Variants in HSD11B1 observed in about 807,000 individuals in gnomAD.
HSD11B1 encodes 11-beta-hydroxysteroid dehydrogenase 1.
A neutral mutation model predicts 22.1 loss-of-function variants in HSD11B1; 15 were observed. The ratio of observed to expected loss-of-function variants is 0.68; its 90% confidence interval spans 0.45 to 1.04. The LOEUF is 1.04. Ranked by LOEUF, HSD11B1 falls within the 50% of genes least tolerant of loss-of-function variation. The pLI, the probability that HSD11B1 is intolerant of heterozygous loss-of-function variation, is 0.00. For synonymous variants in HSD11B1, 122 were observed against 125.2 expected (o/e 0.97, Z 0.17); for missense variants, 281 against 357.6 (o/e 0.79, Z 1.73).
chr1:209,704,273 A>G (rs867046618), upstream of HSD11B1, among the ~76,000 whole-genome samples: 1 of 152,184 alleles, frequency 6.6e-6, no homozygotes, highest in South Asian at 2.1e-4. Context: ...ATTTCCCGCC[A>G]TCTGGGTTCT....
chr1:209,696,185 TGGGGCTG>T (rs1047420323), intron 1 of HSD11B1, among the ~76,000 whole-genome samples: 2 of 152,194 alleles, frequency 1.3e-5, no homozygotes, highest in Admixed American at 6.5e-5. Context: ...ACTGGTTGCC[TGGGGCTG>T]GGGGTGGAAA....
intron 4 of HSD11B1, among the ~76,000 whole-genome samples, chr1:209,715,526 T>C (rs2076924637): frequency 6.6e-6 from 1 of 152,072 alleles, no homozygotes; most frequent in Non-Finnish European, 1.5e-5. Flanking sequence ...TGCCAGTAAG[T>C]ACAGAACTGC....
chr1:209,707,541 A>G, intron 4 of HSD11B1, among the ~76,000 whole-genome samples: 1 of 152,180 alleles, frequency 6.6e-6, no homozygotes, highest in East Asian at 1.9e-4. Flanking sequence ...TGTGGACTCA[A>G]TGAGAGGCAC....
In HSD11B1 at chr1:209,718,348, T is replaced by C. The variant is rs2076943302; in HGVS notation, c.517+11220T>C. Reference sequence around the variant, plus strand: ...GTAACAGAATATCACATACTACCCATAACTATATACAAATATTACGTATCA... The same window carrying C: ...GTAACAGAATATCACATACTACCCACAACTATATACAAATATTACGTATCA... On this transcript the variant is annotated intron_variant, in intron 4 of 5. Coordinates refer to ENST00000367027, the MANE Select transcript of HSD11B1 (RefSeq NM_005525.4). 2.0e-5 allele frequency among the ~76,000 whole-genome samples: 3 copies of C among 152,168 alleles called. No individual in the cohort carries two copies. In the South Asian group the frequency reaches 6.2e-4, roughly 32 times the overall value.
intron 5 of HSD11B1, among the ~76,000 whole-genome samples, chr1:209,734,102 C>T (rs1373711302): frequency 6.6e-6 from 1 of 152,168 alleles, no homozygotes; most frequent in African/African-American, 2.4e-5. Context: ...GAAGGCAAGG[C>T]CCCTATTAAC....
At chr1:209,727,522 GAGAATCCTCACCAATGCAGAA>G (rs1319916820) in intron 4 of HSD11B1, among the ~76,000 whole-genome samples, 5 of 152,214 alleles carry the variant, frequency 3.3e-5, no homozygotes, top group African/African-American at 1.2e-4. Context: ...TCAAAAGAGA[GAGAATCCTCACCAATGCAGAA>G]AGAACTGGAT....
At chr1:209,733,429 G>A (rs901752958) in intron 5 of HSD11B1, among the ~76,000 whole-genome samples, 5 of 152,180 alleles carry the variant, frequency 3.3e-5, no homozygotes, top group African/African-American at 1.2e-4. Flanking sequence ...AGAAAAATGG[G>A]AAGAAATTAC....
intron 4 of HSD11B1, among the ~76,000 whole-genome samples, chr1:209,719,018 T>TGAAAAAAAAAAAAAA (rs2076947963): frequency 3.8e-4 from 1 of 2,646 alleles, no homozygotes; most frequent in Non-Finnish European, 5.2e-4. Context: ...AGACTCCATC[T>TGAAAAAAAAAAAAAA]CAAAAAAAAA....
intron 4 of HSD11B1, chr1:209,724,041 G>C (rs1192610813): frequency 6.6e-6 from 1 of 152,372 alleles, no homozygotes; most frequent in African/African-American, 2.4e-5. Context: ...ACTTCAGGCT[G>C]TCCTTTTGGG....
chr1:209,721,484 A>AC (rs2076966828), intron 4 of HSD11B1, among the ~76,000 whole-genome samples: 1 of 151,886 alleles, frequency 6.6e-6, no homozygotes, highest in Admixed American at 6.6e-5. Context: ...AAAAAAAAAA[A>AC]AAATCCCCAT....
chr1:209,727,966 G>A (rs1055026250), intron 4 of HSD11B1, among the ~76,000 whole-genome samples: 2 of 152,184 alleles, frequency 1.3e-5, no homozygotes, highest in Non-Finnish European at 2.9e-5. Flanking sequence ...GAGAGACCAC[G>A]ATGTGTGTTC....
chr1:209,690,964 G>T (rs549943513), intron 1 of HSD11B1, among the ~76,000 whole-genome samples: 1 of 152,032 alleles, frequency 6.6e-6, no homozygotes, highest in Non-Finnish European at 1.5e-5. Flanking sequence ...ATATTCAGTG[G>T]ACCCAGTGGG....
intron 1 of HSD11B1, among the ~76,000 whole-genome samples, chr1:209,696,477 G>A (rs1257007070): frequency 6.6e-6 from 1 of 152,174 alleles, no homozygotes; most frequent in Non-Finnish European, 1.5e-5. Context: ...CTGAAGCTTA[G>A]GAGAAATTGC....
upstream of HSD11B1, among the ~76,000 whole-genome samples, chr1:209,702,680 TCA>T (rs2076832687): frequency 6.6e-6 from 1 of 152,226 alleles, no homozygotes; most frequent in South Asian, 2.1e-4. Context: ...AAAAAAATCC[TCA>T]GTCTTAATTT....
intron 4 of HSD11B1, among the ~76,000 whole-genome samples, chr1:209,726,058 G>A (rs1397641711): frequency 4.6e-5 from 7 of 151,746 alleles, no homozygotes; most frequent in Admixed American, 2.6e-4. Flanking sequence ...AAAAGCAGGC[G>A]GATCACGAGG....
chr1:209,718,558 C>A (rs1445065629), intron 4 of HSD11B1, among the ~76,000 whole-genome samples: 4 of 151,940 alleles, frequency 2.6e-5, no homozygotes, highest in Non-Finnish European at 5.9e-5. Context: ...TCCCCCACAC[C>A]CCCAAAAAAC....
chr1:209,691,336 A>T (rs1183959351), intron 1 of HSD11B1, among the ~76,000 whole-genome samples: 1 of 152,246 alleles, frequency 6.6e-6, no homozygotes, highest in African/African-American at 2.4e-5. Flanking sequence ...AAGATGTTAA[A>T]AATGTGAAAC....
At chr1:209,698,999 G>T (rs1361590966) in intron 1 of HSD11B1, among the ~76,000 whole-genome samples, 1 of 152,070 alleles carries the variant, frequency 6.6e-6, no homozygotes, top group Admixed American at 6.5e-5. Flanking sequence ...CCAGATCCAC[G>T]ATTCCGTTAG....
intron 4 of HSD11B1, among the ~76,000 whole-genome samples, chr1:209,732,089 A>T (rs2077039273): frequency 6.6e-6 from 1 of 152,186 alleles, no homozygotes; most frequent in Admixed American, 6.5e-5. Flanking sequence ...GTTGGCAGAG[A>T]TAACTAGTCA....
Sources: gnomAD v4.1 joint callset for allele counts (sites outside exome capture counted in the v4.1 genomes callset) on GRCh38, gnomAD v4.1.1 for gene constraint, MANE v1.5 for transcripts, NCBI Gene and HGNC (gene_info 2026-07-23, HGNC 2026-07-21) for gene names.